USH2A: variants seen among roughly 807,000 people sequenced by gnomAD.
USH2A encodes usherin.
A neutral mutation model predicts 538.9 loss-of-function variants in USH2A; 443 were observed. The observed-to-expected ratio is 0.82, with a 90% CI of 0.76 to 0.89. The LOEUF is 0.89. Among genes scored for constraint, USH2A ranks in the 40% least tolerant of loss-of-function variants. USH2A has a pLI of 0.00. For missense variants in USH2A, 6,633 were observed against 6,324.8 expected (o/e 1.05, Z -1.65); for synonymous variants, 2,413 against 2,273.5 (o/e 1.06, Z -1.75).
intron 14 of USH2A, among the ~76,000 whole-genome samples, chr1:216,228,441 C>A (rs181456716): frequency 6.6e-6 from 1 of 152,168 alleles, no homozygotes; most frequent in Admixed American, 6.5e-5. Context: ...ATTGTAACTC[C>A]CACAATTCCC....
intron 11 of USH2A, among the ~76,000 whole-genome samples, chr1:216,261,110 C>A (rs370685482): frequency 3.0e-4 from 46 of 151,368 alleles, no homozygotes; most frequent in African/African-American, 1.1e-3. Context: ...ATGACAGAAA[C>A]AAAAATAAAG....
chr1:216,285,054 A>G (rs1210330307), intron 11 of USH2A, among the ~76,000 whole-genome samples: 2 of 152,250 alleles, frequency 1.3e-5, no homozygotes, highest in Non-Finnish European at 2.9e-5. Flanking sequence ...ACAATGCAGT[A>G]GAAAAGCAAA....
Position 216,247,133 on chromosome 1 carries a change from G to A in USH2A, c.2261C>T (p.Ser754Leu). 2 of 1,614,008 alleles carry A rather than the reference G, an allele frequency of 1.2e-6. No homozygotes were observed. The highest frequency in any genetic ancestry group is 1.7e-6 in the Non-Finnish European group (2 of 1,179,942). The change falls in exon 13 of 72, where the codon TCA (serine) becomes TTA (leucine). Residue 754 changes from serine to leucine, a missense_variant. Ser to Leu is a moderately radical substitution (Grantham distance 145, BLOSUM62 -2). Coordinates refer to ENST00000307340, the MANE Select transcript of USH2A (RefSeq NM_206933.4). ...CEPCQCNLHG[S>L]VNKFCNPHSG... ...GTGAGGATTGCAGAATTTGTTCACT[G>A]AGCCATGGAGGTTACACTGGCAGGG... is the stretch of plus-strand genomic sequence containing the variant.
chr1:215,954,732 ATTGAAAAT>A (rs1230575706), intron 37 of USH2A, among the ~76,000 whole-genome samples: 3 of 152,002 alleles, frequency 2.0e-5, no homozygotes, highest in Admixed American at 2.0e-4. Flanking sequence ...AAAAAAAACA[ATTGAAAAT>A]TTGAAAATTT....
At chr1:216,148,174 C>T (rs12117943) in intron 21 of USH2A, among the ~76,000 whole-genome samples, 30,324 of 151,522 alleles carry the variant, frequency 0.2, 3,940 homozygotes, top group Non-Finnish European at 0.29. Context: ...TTTCCCTTGC[C>T]TCCATAACTG....
chr1:216,017,564 T>C (rs1436778), intron 32 of USH2A, among the ~76,000 whole-genome samples: 69,450 of 152,030 alleles, frequency 0.46, 16,452 homozygotes, highest in East Asian at 0.7. Flanking sequence ...TCATGTGACA[T>C]ACAATATATA....
chr1:216,239,697 A>G (rs1483530908), intron 13 of USH2A, among the ~76,000 whole-genome samples: 1 of 152,136 alleles, frequency 6.6e-6, no homozygotes, highest in Non-Finnish European at 1.5e-5. Context: ...GTCTGTTGAG[A>G]AGTGATGGAA....
At chr1:215,962,122 T>C (rs1394897190) in intron 37 of USH2A, among the ~76,000 whole-genome samples, 1 of 152,018 alleles carries the variant, frequency 6.6e-6, no homozygotes, top group Non-Finnish European at 1.5e-5. Flanking sequence ...ATAGCTACCA[T>C]TTTTAACATA....
intron 32 of USH2A, among the ~76,000 whole-genome samples, chr1:216,026,672 G>T (rs987723483): frequency 2.0e-5 from 3 of 152,104 alleles, no homozygotes; most frequent in Non-Finnish European, 4.4e-5. Flanking sequence ...GCTGATCCAT[G>T]TCTTCAGGAT....
rs527968978 is a variant in USH2A at position 215,986,823 on chromosome 1, T to G, written c.6805+6197A>C. On this transcript the variant is annotated intron_variant, in intron 35 of 71. Coordinates refer to ENST00000307340, the MANE Select transcript of USH2A (RefSeq NM_206933.4). ...TATTGTCCCTATCATCGGTAAATAT[T>G]AATTCATTCGACAGCTTTATAAGAT... Among the ~76,000 whole-genome samples, 5 of 152,334 alleles carry G rather than the reference T, an allele frequency of 3.3e-5. No homozygotes were observed. The South Asian group carries it at 1.0e-3, about 32-fold the overall frequency.
At chr1:215,825,435 T>C (rs755534808) in intron 47 of USH2A, among the ~76,000 whole-genome samples, 1 of 151,004 alleles carries the variant, frequency 6.6e-6, no homozygotes, top group Non-Finnish European at 1.5e-5. Flanking sequence ...ATCACTTACC[T>C]TTACACAGGT....
At chr1:215,627,956 C>T in intron 71 of USH2A, among the ~76,000 whole-genome samples, 1 of 152,126 alleles carries the variant, frequency 6.6e-6, no homozygotes, top group East Asian at 1.9e-4. Flanking sequence ...CGCTCAGAGA[C>T]TGATAATAAA....
At position 216,418,662 on chromosome 1, in the gene USH2A, G is replaced by C; in HGVS notation, c.503C>G (p.Thr168Arg). Residue 168 changes from threonine (T) to arginine (R), a missense_variant, in exon 3 of 72, where the codon ACA becomes AGA. Coordinates refer to ENST00000307340, the MANE Select transcript of USH2A (RefSeq NM_206933.4). ...QQGVMCVIEKTVDGQIVFKLT... is the reference protein window; with the variant it reads ...QQGVMCVIEKRVDGQIVFKLT... ...TTTGAACACAATCTGCCCATCTACT[G>C]TCTTTTCTATAACACACCTTAGGAA... 6.2e-7 allele frequency: 1 copy of C among 1,612,898 alleles called. No homozygotes were observed. Among genetic ancestry groups the C allele is most frequent in the Non-Finnish European group, 8.5e-7 (1 of 1,179,330 alleles).
Position 216,213,652 on chromosome 1 carries a change from AT to A in USH2A, c.3157+3734del, listed in dbSNP as rs879270318. Among the ~76,000 whole-genome samples, 710 of 149,378 alleles carry A rather than the reference AT, an allele frequency of 4.8e-3. 5 individuals carry two copies. The highest frequency in any genetic ancestry group is 0.015 in the African/African-American group (605 of 40,980). ...TAAAACTGTAAGATAAAAATGGAGA[AT>A]TTTTTTTTTTCACATTGAGTCAATC... On this transcript the variant is annotated intron_variant, in intron 15 of 71. Coordinates refer to ENST00000307340, the MANE Select transcript of USH2A (RefSeq NM_206933.4).
Position 215,634,663 on chromosome 1 carries a change from C to CAGAA in USH2A, c.15092_15093insTTCT (p.Lys5033GlufsTer146). The CAGAA allele has an allele frequency of 6.2e-7, 1 of 1,614,274 alleles. No homozygotes were observed. The highest frequency in any genetic ancestry group is 8.5e-7 in the Non-Finnish European group (1 of 1,180,058). On this transcript the variant is annotated frameshift_variant, in exon 70 of 72. Coordinates refer to ENST00000307340, the MANE Select transcript of USH2A (RefSeq NM_206933.4). LOFTEE classifies it high-confidence loss of function. ...CGCTGTAGAACTCTGTGCTTTTGCT[C>CAGAA]CGCGATCCCTTCTTTTTCCCAGGAG... is the stretch of plus-strand genomic sequence containing the variant.
chr1:215,788,915 CCAAAACAAAA>C (rs142498202), intron 51 of USH2A, among the ~76,000 whole-genome samples: 13 of 149,536 alleles, frequency 8.7e-5, no homozygotes, highest in African/African-American at 2.5e-4. Context: ...AACTTGGAAT[CCAAAACAAAA>C]CAAAACAAAA....
chr1:216,095,897 A>G (rs192908770), intron 22 of USH2A, among the ~76,000 whole-genome samples: 1 of 152,300 alleles, frequency 6.6e-6, no homozygotes, highest in East Asian at 1.9e-4. Flanking sequence ...CAGAGGGTGA[A>G]CGTTGTGTCT....
intron 20 of USH2A, among the ~76,000 whole-genome samples, chr1:216,188,554 C>A (rs1250521221): frequency 6.6e-6 from 1 of 151,756 alleles, no homozygotes; most frequent in Non-Finnish European, 1.5e-5. Flanking sequence ...TTAACGACAG[C>A]CCCCAAGGAA....
chr1:216,078,468 C>T (rs770386011), intron 26 of USH2A, 106 bp from the exon 27 acceptor site: 88 of 1,020,480 alleles, frequency 8.6e-5, no homozygotes, highest in Non-Finnish European at 1.2e-4. Context: ...AAACAGTTCC[C>T]TGAAAGCACT....
Sources: allele counts gnomAD v4.1 joint callset (sites outside exome capture counted in the v4.1 genomes callset), GRCh38; gene constraint gnomAD v4.1.1; transcripts MANE v1.5; gene names NCBI Gene and HGNC (gene_info 2026-07-23, HGNC 2026-07-21).